ASTN2: variants seen among roughly 807,000 people sequenced by gnomAD.
The protein encoded by ASTN2 is astrotactin 2.
Under a neutral mutation model 139.8 loss-of-function variants are expected in ASTN2, and 54 were observed. That is an observed-to-expected ratio of 0.39 (90% CI 0.31 to 0.48). The LOEUF (loss-of-function observed/expected upper bound fraction) is 0.48. Ranked by LOEUF, ASTN2 falls within the 20% of genes least tolerant of loss-of-function variation. ASTN2 has a pLI of 0.95. For synonymous variants in ASTN2, 756 were observed against 719.5 expected, an observed-to-expected ratio of 1.05 and a Z score of -0.81; for missense variants, 1,565 against 1,725.1, an observed-to-expected ratio of 0.91 and a Z score of 1.64.
At chr9:117,281,660 T>C (rs544445784) in intron 2 of ASTN2, among the ~76,000 whole-genome samples, 1 of 152,280 alleles carries the variant, frequency 6.6e-6, no homozygotes, top group African/African-American at 2.4e-5. Flanking sequence ...GCAGAGGAAG[T>C]TGGGAATGGT....
chr9:116,943,490 T>C (rs1393278735), intron 10 of ASTN2, among the ~76,000 whole-genome samples: 1 of 152,252 alleles, frequency 6.6e-6, no homozygotes, highest in Admixed American at 6.5e-5. Flanking sequence ...TACACAACTC[T>C]GTAAATTTAC....
At chr9:117,084,869 A>T (rs1481730669) in intron 5 of ASTN2, among the ~76,000 whole-genome samples, 1 of 152,254 alleles carries the variant, frequency 6.6e-6, no homozygotes, top group Non-Finnish European at 1.5e-5. Context: ...TTGGCCAGAC[A>T]GTCCTATGAA....
chr9:116,976,706 A>T lies in ASTN2; in HGVS notation c.1671T>A (p.Ser557Arg). Residue 557 changes from serine (S) to arginine (R), a missense_variant, in exon 8 of 23, where the codon AGT becomes AGA. Transcript: ENST00000313400. ...TGATGCCCTTTGCCACTCACCCTTC[A>T]CTCTGTCCCCAGTCACTGCGCACAC... ...HLCVRSDWGQ[S>R]EGPWPYTTLE... 6.2e-7 allele frequency: 1 copy of T among 1,613,736 alleles called. No individual in the cohort carries two copies. Among genetic ancestry groups the T allele is most frequent in the East Asian group, 2.2e-5 (1 of 44,864 alleles).
intron 13 of ASTN2, among the ~76,000 whole-genome samples, chr9:116,782,265 ATT>A (rs1372790932): frequency 6.6e-6 from 1 of 152,198 alleles, no homozygotes; most frequent in Non-Finnish European, 1.5e-5. Flanking sequence ...GAAGCGACAG[ATT>A]TAAAATTAAC....
chr9:117,160,573 T>G (rs574437468), intron 3 of ASTN2, among the ~76,000 whole-genome samples: 2 of 152,064 alleles, frequency 1.3e-5, no homozygotes, highest in Non-Finnish European at 2.9e-5. Flanking sequence ...TCATTAAACA[T>G]ATTATATATT....
intron 17 of ASTN2, among the ~76,000 whole-genome samples, chr9:116,623,147 C>CTGTGTGTG (rs10527124): frequency 7.9e-4 from 108 of 137,198 alleles, no homozygotes; most frequent in East Asian, 7.2e-3. Context: ...AGAGCATACT[C>CTGTGTGTG]TGTGTGTGTG....
In ASTN2 at chr9:116,493,551, A is replaced by G. The variant is rs547400998; in HGVS notation, c.3356-6051T>C. On this transcript the variant is annotated intron_variant, in intron 19 of 22. Transcript: ENST00000313400. ...TGATTCTGCTGCAGCTTCAGAATCA[A>G]CCCAACAAAGCATGGATCAATTTTT... is the stretch of plus-strand genomic sequence containing the variant. Among the ~76,000 whole-genome samples the G allele has an allele frequency of 3.9e-5, 6 of 152,136 alleles. No homozygotes were observed. The East Asian group carries it at 9.7e-4, about 25-fold the overall frequency.
At chr9:116,500,037 C>T (rs1366407660) in intron 19 of ASTN2, among the ~76,000 whole-genome samples, 1 of 152,120 alleles carries the variant, frequency 6.6e-6, no homozygotes, top group Non-Finnish European at 1.5e-5. Context: ...AGACACCACA[C>T]CCCAGGAAAT....
chr9:116,468,086 G>C (rs534857761), intron 20 of ASTN2, among the ~76,000 whole-genome samples: 1 of 152,160 alleles, frequency 6.6e-6, no homozygotes, highest in South Asian at 2.1e-4. Context: ...ACATGAAGCC[G>C]TGAATGACAC....
chr9:116,595,589 T>C (rs1854534281), intron 19 of ASTN2, among the ~76,000 whole-genome samples: 1 of 152,142 alleles, frequency 6.6e-6, no homozygotes, highest in Non-Finnish European at 1.5e-5. Flanking sequence ...CCTCCCAAAG[T>C]GCTGGGATTA....
intron 19 of ASTN2, among the ~76,000 whole-genome samples, chr9:116,571,379 G>A (rs1370821352): frequency 1.3e-5 from 2 of 152,146 alleles, no homozygotes; most frequent in African/African-American, 2.4e-5. Context: ...CTTCTATTCT[G>A]TCTCTTTTTC....
At chr9:117,018,921 G>A (rs1322606454) in intron 6 of ASTN2, among the ~76,000 whole-genome samples, 1 of 152,114 alleles carries the variant, frequency 6.6e-6, no homozygotes, top group Non-Finnish European at 1.5e-5. Context: ...AACTGTACAT[G>A]TCCTAAATTG....
At chr9:116,569,643 T>A (rs1248493993) in intron 19 of ASTN2, among the ~76,000 whole-genome samples, 1 of 152,190 alleles carries the variant, frequency 6.6e-6, no homozygotes, top group Admixed American at 6.5e-5. Context: ...TTTTGCTGCC[T>A]TCCTTCTTTT....
At chr9:116,898,000 A>G (rs1833918987) in intron 10 of ASTN2, among the ~76,000 whole-genome samples, 1 of 152,144 alleles carries the variant, frequency 6.6e-6, no homozygotes, top group African/African-American at 2.4e-5. Context: ...TTATAGTGAT[A>G]TTGTTCTAAT....
chr9:117,087,395 T>C (rs921306727), intron 5 of ASTN2, among the ~76,000 whole-genome samples: 1 of 152,052 alleles, frequency 6.6e-6, no homozygotes, highest in Non-Finnish European at 1.5e-5. Flanking sequence ...CCACTACATC[T>C]GGCTAATTTT....
chr9:116,658,453 A>G lies in ASTN2; in HGVS notation c.2807-6660T>C, dbSNP rs542424084. Reference sequence around the variant, plus strand: ...CTGGAACTGTTTTAAGCCCTACCCAAGAGGAATCTAACAGAGTGATGGGTC... The same window carrying G: ...CTGGAACTGTTTTAAGCCCTACCCAGGAGGAATCTAACAGAGTGATGGGTC... On this transcript the variant is annotated intron_variant, in intron 16 of 22. Coordinates refer to ENST00000313400, the MANE Select transcript of ASTN2 (RefSeq NM_001365068.1). 1.9e-3 allele frequency among the ~76,000 whole-genome samples: 295 copies of G among 152,306 alleles called. 2 individuals carry two copies. The highest frequency in any genetic ancestry group is 3.9e-3 in the Admixed American group (60 of 15,294).
chr9:117,337,406 G>A (rs1828921394), intron 1 of ASTN2, among the ~76,000 whole-genome samples: 1 of 152,052 alleles, frequency 6.6e-6, no homozygotes, highest in African/African-American at 2.4e-5. Flanking sequence ...AAAAAGAGAG[G>A]TCATTTTTAA....
chr9:117,353,790 A>C (rs1829458254), intron 1 of ASTN2, among the ~76,000 whole-genome samples: 1 of 152,166 alleles, frequency 6.6e-6, no homozygotes. Flanking sequence ...TAAGTGAAAG[A>C]AGCCAATCTG....
At chr9:116,540,157 T>C (rs749353358) in intron 19 of ASTN2, among the ~76,000 whole-genome samples, 2 of 152,196 alleles carry the variant, frequency 1.3e-5, no homozygotes, top group Non-Finnish European at 2.9e-5. Flanking sequence ...TAAGATTTCA[T>C]GTCTCTATAT....
Sources: gnomAD v4.1 joint callset for allele counts (sites outside exome capture counted in the v4.1 genomes callset) on GRCh38, gnomAD v4.1.1 for gene constraint, MANE v1.5 for transcripts, NCBI Gene and HGNC (gene_info 2026-07-23, HGNC 2026-07-21) for gene names.